BRWD1: variants seen among roughly 807,000 people sequenced by gnomAD.
The protein encoded by BRWD1 is bromodomain and WD repeat domain containing 1.
In BRWD1, 82 loss-of-function variants were observed where a neutral mutation model predicts 251.2. That is an observed-to-expected ratio of 0.33 (90% CI 0.27 to 0.39). BRWD1 has a LOEUF of 0.39. BRWD1 is among the 10% of genes least tolerant of loss of function. BRWD1 has a pLI of 1.00. For missense variants in BRWD1, 2,233 were observed against 2,711.6 expected (o/e 0.82, Z 3.92); for synonymous variants, 918 against 902.8 (o/e 1.02, Z -0.30).
chr21:39,280,526 G>A (rs1258174446), intron 8 of BRWD1, among the ~76,000 whole-genome samples: 1 of 152,016 alleles, frequency 6.6e-6, no homozygotes, highest in Non-Finnish European at 1.5e-5. Context: ...GCATATCACA[G>A]AGTGTTAATA....
At chr21:39,286,708 G>T (rs1034095150) in intron 8 of BRWD1, among the ~76,000 whole-genome samples, 2 of 151,620 alleles carry the variant, frequency 1.3e-5, no homozygotes, top group African/African-American at 4.9e-5. Flanking sequence ...TACAGACAGG[G>T]TTTCATTATG....
intron 29 of BRWD1, among the ~76,000 whole-genome samples, chr21:39,220,633 A>C (rs989604499): frequency 6.6e-6 from 1 of 152,210 alleles, no homozygotes; most frequent in African/African-American, 2.4e-5. Context: ...GAGATTTATT[A>C]ATCAACCAAC....
intron 4 of BRWD1, 101 bp downstream of exon 4, chr21:39,312,740 C>T: frequency 1.1e-6 from 1 of 882,820 alleles, no homozygotes; most frequent in Non-Finnish European, 1.7e-6. Context: ...CAGTGCGGGT[C>T]ACACTTTGCA....
intron 28 of BRWD1, among the ~76,000 whole-genome samples, chr21:39,224,687 A>G (rs563331723): frequency 1.3e-5 from 2 of 152,318 alleles, no homozygotes; most frequent in East Asian, 3.9e-4. Context: ...AAAGTGAACA[A>G]TAACTGAAAG....
At chr21:39,313,835 G>T (rs947566123), upstream of BRWD1, 14 of 344,242 alleles carry the variant, frequency 4.1e-5, no homozygotes, top group Non-Finnish European at 6.5e-5. Flanking sequence ...CCGCAGCAGC[G>T]AGTGGGGGAG....
At chr21:39,310,794 A>G (rs1427578894) in intron 4 of BRWD1, among the ~76,000 whole-genome samples, 1 of 152,140 alleles carries the variant, frequency 6.6e-6, no homozygotes, top group Non-Finnish European at 1.5e-5. Context: ...GCAGGTCTAG[A>G]ACTCCTGGCC....
rs745749033 is a variant in BRWD1 at position 39,236,745 on chromosome 21, C to A, written c.2616G>T (p.Ala872=). Residue 872 remains alanine (A), a synonymous_variant, in exon 23 of 41, where the codon GCG becomes GCT. Transcript: ENST00000342449. ...TTAAAGGAGGCTGCAAATTGATGCC[C>A]GCATCAGCTGTCCAATCGGAATATC... is the stretch of plus-strand genomic sequence containing the variant. ...SSRYSDWTAD[A]GINLQPPLRT... 1.2e-6 allele frequency: 2 copies of A among 1,613,852 alleles called. No individual in the cohort carries two copies. The highest frequency in any genetic ancestry group is 2.7e-5 in the African/African-American group (2 of 74,968).
intron 23 of BRWD1, among the ~76,000 whole-genome samples, chr21:39,234,874 G>A (rs2033755178): frequency 6.6e-6 from 1 of 152,164 alleles, no homozygotes; most frequent in South Asian, 2.1e-4. Flanking sequence ...GAGCAGTATG[G>A]AGTACAGAAA....
In BRWD1 at chr21:39,196,990, C is replaced by A; in HGVS notation, c.6079G>T (p.Glu2027Ter). 6.2e-7 allele frequency: 1 copy of A among 1,614,040 alleles called. No homozygotes were observed. Among genetic ancestry groups the A allele is most frequent in the South Asian group, 1.1e-5 (1 of 91,078 alleles). ...ATATTGGTATGCCTGTGCTTGTGTT[C>A]TGAATTCAACATATCTTCAGAGTCT... Reference protein sequence around the residue: ...DSDSEDMLNSEHKHRHTNIHK... With the variant: ...DSDSEDMLNS Residue 2027 changes from glutamate to a stop codon, truncating the protein, a stop_gained, in exon 41 of 41, where the codon GAA (glutamate) becomes TAA (stop). Coordinates refer to ENST00000342449, the MANE Select transcript of BRWD1 (RefSeq NM_033656.4). LOFTEE classifies it low-confidence loss of function (END_TRUNC).
At chr21:39,184,264 T>C (rs2031081755), downstream of BRWD1, 1 of 152,226 alleles carries the variant, frequency 6.6e-6, no homozygotes, top group Non-Finnish European at 1.5e-5. Flanking sequence ...AAAAACATTT[T>C]TATGAGTGTA....
At chr21:39,301,014 T>C (rs1159804640) in intron 4 of BRWD1, among the ~76,000 whole-genome samples, 3 of 151,988 alleles carry the variant, frequency 2.0e-5, no homozygotes, top group South Asian at 2.1e-4. Flanking sequence ...CTGTCTCTAC[T>C]AAAAATACAA....
intron 15 of BRWD1, among the ~76,000 whole-genome samples, chr21:39,268,672 G>GA (rs2035004182): frequency 6.6e-6 from 1 of 152,118 alleles, no homozygotes; most frequent in Non-Finnish European, 1.5e-5. Flanking sequence ...AAAAAAGGCT[G>GA]AGAGGGGCTG....
chr21:39,297,152 T>C (rs914408377), intron 5 of BRWD1: 33 of 985,294 alleles, frequency 3.3e-5, no homozygotes, highest in Admixed American at 6.2e-5. Context: ...CTATAGGAGA[T>C]AGCAGCAGAA....
At chr21:39,215,958 C>T (rs1016487985) in intron 31 of BRWD1, among the ~76,000 whole-genome samples, 1 of 151,540 alleles carries the variant, frequency 6.6e-6, no homozygotes, top group Non-Finnish European at 1.5e-5. Flanking sequence ...TATCATCATG[C>T]CACTGCACTC....
At chr21:39,277,220 A>T (rs1221469975) in intron 11 of BRWD1, 31 bp downstream of exon 11, 1 of 1,510,478 alleles carries the variant, frequency 6.6e-7, no homozygotes, top group Admixed American at 1.7e-5. Context: ...TTAACAATTA[A>T]TCTAAAGGAT....
intron 38 of BRWD1, among the ~76,000 whole-genome samples, chr21:39,202,015 CATTG>C (rs988579699): frequency 1.3e-5 from 2 of 152,184 alleles, no homozygotes; most frequent in African/African-American, 4.8e-5. Flanking sequence ...CTTTGAACTT[CATTG>C]ATTCTTAGTA....
intron 8 of BRWD1, among the ~76,000 whole-genome samples, chr21:39,287,197 C>T (rs2035668256): frequency 6.6e-6 from 1 of 152,124 alleles, no homozygotes; most frequent in Non-Finnish European, 1.5e-5. Flanking sequence ...TCTCAAGCAT[C>T]CTTTACAGCT....
At chr21:39,280,462 G>T (rs2035420674) in intron 8 of BRWD1, among the ~76,000 whole-genome samples, 1 of 151,818 alleles carries the variant, frequency 6.6e-6, no homozygotes, top group Non-Finnish European at 1.5e-5. Flanking sequence ...GAATGAACAA[G>T]ACTGGCCAGA....
At chr21:39,204,153 CAA>C (rs11356696) in intron 37 of BRWD1, among the ~76,000 whole-genome samples, 38 of 34,346 alleles carry the variant, frequency 1.1e-3, no homozygotes, top group African/African-American at 3.2e-3. Flanking sequence ...AACTCCATCT[CAA>C]AAAAAAAAAA....
Sources: allele counts gnomAD v4.1 joint callset (sites outside exome capture counted in the v4.1 genomes callset), GRCh38; gene constraint gnomAD v4.1.1; transcripts MANE v1.5; gene names NCBI Gene and HGNC (gene_info 2026-07-23, HGNC 2026-07-21).